Variants in KCNH5 observed in about 807,000 individuals in gnomAD.
KCNH5 encodes the protein voltage-gated delayed rectifier potassium channel KCNH5.
A neutral mutation model predicts 96.1 loss-of-function variants in KCNH5; 46 were observed. The ratio of observed to expected loss-of-function variants is 0.48; its 90% confidence interval spans 0.38 to 0.61. The LOEUF is 0.61. Ranked by LOEUF, KCNH5 falls within the 20% of genes least tolerant of loss-of-function variation. The pLI, the probability that KCNH5 is intolerant of heterozygous loss-of-function variation, is 0.00. For missense variants in KCNH5, 907 were observed against 1,225.8 expected (o/e 0.74, Z 3.88); for synonymous variants, 439 against 449.8 (o/e 0.98, Z 0.30).
At chr14:62,999,837 C>T (rs1349845368) in intron 4 of KCNH5, among the ~76,000 whole-genome samples, 1 of 143,312 alleles carries the variant, frequency 7.0e-6, no homozygotes, top group Non-Finnish European at 1.5e-5. Flanking sequence ...ACATTGTGCA[C>T]ATGTACCCTA....
chr14:62,700,116 T>C lies in KCNH5; in HGVS notation c.*7392A>G, dbSNP rs545916516. 2 of 152,338 alleles carry C rather than the reference T, an allele frequency of 1.3e-5. No homozygotes were observed. The highest frequency in any genetic ancestry group is 3.8e-4 in the East Asian group (2 of 5,196). 9.4% of individuals were successfully genotyped at this position (152,338 alleles called of 1,614,324 possible). A position where few individuals can be genotyped will look rare whatever the true frequency, so the allele number is the denominator to read the frequency against. On this transcript the variant is annotated 3_prime_UTR_variant, in exon 11 of 11. Coordinates refer to ENST00000322893, the MANE Select transcript of KCNH5 (RefSeq NM_139318.5). ...TTATAGTAGAATTTACATTGTAGTATACAAAATGCCACAACTAGTGTAAAC... is the reference window on the plus strand; with the variant it reads ...TTATAGTAGAATTTACATTGTAGTACACAAAATGCCACAACTAGTGTAAAC...
At chr14:62,851,120 G>A (rs570106638) in intron 7 of KCNH5, among the ~76,000 whole-genome samples, 4 of 152,160 alleles carry the variant, frequency 2.6e-5, no homozygotes, top group African/African-American at 9.6e-5. Context: ...TTTCACAACA[G>A]AAAGCTATTA....
chr14:62,780,436 T>C (rs899478099), intron 9 of KCNH5, among the ~76,000 whole-genome samples: 1 of 152,146 alleles, frequency 6.6e-6, no homozygotes, highest in Non-Finnish European at 1.5e-5. Flanking sequence ...TCCCCAAGAA[T>C]GCCCTTCCCT....
At chr14:62,728,678 G>C (rs892124490) in intron 10 of KCNH5, among the ~76,000 whole-genome samples, 2 of 152,180 alleles carry the variant, frequency 1.3e-5, no homozygotes, top group Non-Finnish European at 2.9e-5. Context: ...TTCTGGAGAA[G>C]TTATTTAACC....
chr14:62,915,854 G>A (rs905192807), intron 7 of KCNH5, among the ~76,000 whole-genome samples: 16 of 151,964 alleles, frequency 1.1e-4, no homozygotes, highest in Admixed American at 8.5e-4. Flanking sequence ...TAACCCCCAC[G>A]TGATAAATGA....
At chr14:62,987,306 T>C (rs1047649716) in intron 4 of KCNH5, 119 bp from the exon 5 acceptor site, 9 of 696,560 alleles carry the variant, frequency 1.3e-5, no homozygotes, top group Non-Finnish European at 2.3e-5. Context: ...ATGCAAAGTA[T>C]CAAACAAAAG....
chr14:62,902,488 A>G (rs1167777119), intron 7 of KCNH5, among the ~76,000 whole-genome samples: 4 of 152,122 alleles, frequency 2.6e-5, no homozygotes, highest in Non-Finnish European at 5.9e-5. Flanking sequence ...TCTTTCTTTT[A>G]TATAAAATAA....
intron 1 of KCNH5, among the ~76,000 whole-genome samples, chr14:63,022,445 T>G (rs534892535): frequency 1.6e-5 from 2 of 128,862 alleles, no homozygotes; most frequent in African/African-American, 2.8e-5. Context: ...AAACGAGTTT[T>G]TTGTTTGTTT....
intron 8 of KCNH5, among the ~76,000 whole-genome samples, chr14:62,814,667 T>G (rs1030240301): frequency 2.0e-5 from 3 of 149,784 alleles, no homozygotes; most frequent in Non-Finnish European, 4.4e-5. Flanking sequence ...CCTGTAGTCC[T>G]AGCTACCCGG....
chr14:62,804,811 C>T (rs982681483), intron 8 of KCNH5, among the ~76,000 whole-genome samples: 1 of 152,224 alleles, frequency 6.6e-6, no homozygotes, highest in African/African-American at 2.4e-5. Context: ...TAGCCTGGCA[C>T]ATAGCAAGGG....
At chr14:62,947,471 A>G (rs534452805) in intron 7 of KCNH5, among the ~76,000 whole-genome samples, 2 of 152,270 alleles carry the variant, frequency 1.3e-5, no homozygotes, top group East Asian at 3.9e-4. Flanking sequence ...TAACCAGCAA[A>G]TAGAGCCTGC....
intron 7 of KCNH5, among the ~76,000 whole-genome samples, chr14:62,897,450 A>G (rs1274053969): frequency 6.6e-6 from 1 of 152,316 alleles, no homozygotes; most frequent in East Asian, 1.9e-4. Flanking sequence ...AGTAACAAAG[A>G]GAAGAATGAA....
chr14:62,718,005 T>C (rs542745320), intron 10 of KCNH5, among the ~76,000 whole-genome samples: 4 of 152,208 alleles, frequency 2.6e-5, no homozygotes, highest in African/African-American at 9.6e-5. Flanking sequence ...TATCCTAAAT[T>C]AACACAGAAA....
intron 6 of KCNH5, among the ~76,000 whole-genome samples, chr14:62,957,008 T>G (rs1594644865): frequency 6.6e-6 from 1 of 152,198 alleles, no homozygotes; most frequent in African/African-American, 2.4e-5. Context: ...GAGGTTCCAC[T>G]GTGGAACAGA....
intron 7 of KCNH5, among the ~76,000 whole-genome samples, chr14:62,923,864 T>C (rs1889423784): frequency 6.6e-6 from 1 of 151,808 alleles, no homozygotes; most frequent in Non-Finnish European, 1.5e-5. Flanking sequence ...ATCATAAAAG[T>C]CCTAGAAGAA....
At chr14:62,720,475 C>G (rs1223409572) in intron 10 of KCNH5, among the ~76,000 whole-genome samples, 4 of 152,042 alleles carry the variant, frequency 2.6e-5, no homozygotes, top group Non-Finnish European at 5.9e-5. Context: ...CCCAGCTACT[C>G]GGGAGGCTGA....
Position 62,802,402 on chromosome 14 carries a change from A to G in KCNH5, c.1749T>C (p.Ser583=). Residue 583 remains serine, a synonymous_variant, in exon 9 of 11, where the codon AGT becomes AGC. Transcript: ENST00000322893. ...ACACCACAAAGCAGAGGGCATCCAC[A>G]CTTTCTCCAGCATGGTAAATGAGGT... ...PGDLIYHAGE[S]VDALCFVVSG... The G allele has an allele frequency of 6.2e-7, 1 of 1,614,146 alleles. No homozygotes were observed. Among genetic ancestry groups the G allele is most frequent in the Non-Finnish European group, 8.5e-7 (1 of 1,180,000 alleles).
intron 6 of KCNH5, among the ~76,000 whole-genome samples, chr14:62,960,123 T>A (rs1890178768): frequency 6.6e-6 from 1 of 152,196 alleles, no homozygotes; most frequent in Admixed American, 6.6e-5. Context: ...ACACAGGGAT[T>A]ATGCACTTGC....
intron 7 of KCNH5, among the ~76,000 whole-genome samples, chr14:62,896,983 C>G (rs922679369): frequency 1.3e-5 from 2 of 152,182 alleles, no homozygotes; most frequent in African/African-American, 4.8e-5. Flanking sequence ...CAGCCTGCCT[C>G]TCTTTAAAAC....
Sources: gnomAD v4.1 joint callset for allele counts (sites outside exome capture counted in the v4.1 genomes callset) on GRCh38, gnomAD v4.1.1 for gene constraint, MANE v1.5 for transcripts, NCBI Gene and HGNC (gene_info 2026-07-23, HGNC 2026-07-21) for gene names.